TUBGCP3: variants seen among roughly 807,000 people sequenced by gnomAD.
TUBGCP3 encodes tubulin gamma complex component 3, also known as gamma-tubulin complex component 3.
In TUBGCP3, 50 loss-of-function variants were observed where a neutral mutation model predicts 123.1. That is an observed-to-expected ratio of 0.41 (90% CI 0.32 to 0.51). The LOEUF is 0.51. TUBGCP3 is among the 20% of genes least tolerant of loss of function. The pLI, the probability that TUBGCP3 is intolerant of heterozygous loss-of-function variation, is 0.36. For missense variants in TUBGCP3, 882 were observed against 1,127.0 expected, an observed-to-expected ratio of 0.78 and a Z score of 3.11; for synonymous variants, 405 against 413.9, an observed-to-expected ratio of 0.98 and a Z score of 0.26.
intron 17 of TUBGCP3, among the ~76,000 whole-genome samples, chr13:112,514,016 C>G (rs560210815): frequency 2.2e-4 from 33 of 152,124 alleles, no homozygotes; most frequent in African/African-American, 5.8e-4. Flanking sequence ...TCCAACCCCC[C>G]GGTTAGTCAC....
intron 8 of TUBGCP3, 31 bp from the exon 9 acceptor site, chr13:112,548,207 GAC>G (rs1879227199): frequency 6.5e-7 from 1 of 1,547,830 alleles, no homozygotes; most frequent in South Asian, 1.2e-5. Context: ...ATTAAAGCAC[GAC>G]ACACTCATTA....
intron 8 of TUBGCP3, among the ~76,000 whole-genome samples, chr13:112,549,348 C>T (rs538990769): frequency 5.1e-4 from 69 of 135,820 alleles, no homozygotes; most frequent in Middle Eastern, 7.0e-3. Context: ...GTGGGGGGAG[C>T]GGGGAGGGAT....
At chr13:112,562,874 T>C (rs993062149) in intron 3 of TUBGCP3, among the ~76,000 whole-genome samples, 1 of 152,234 alleles carries the variant, frequency 6.6e-6, no homozygotes, top group Non-Finnish European at 1.5e-5. Context: ...AGCAGCCGTT[T>C]AGTGCCCAGC....
chr13:112,532,323 T>G (rs1269124515), intron 11 of TUBGCP3, among the ~76,000 whole-genome samples: 2 of 152,212 alleles, frequency 1.3e-5, no homozygotes, highest in Non-Finnish European at 2.9e-5. Flanking sequence ...ACAGCAACAG[T>G]GCTAAATAGA....
At chr13:112,498,328 C>T (rs967388378) in intron 20 of TUBGCP3, among the ~76,000 whole-genome samples, 7 of 152,028 alleles carry the variant, frequency 4.6e-5, no homozygotes, top group Admixed American at 3.3e-4. Context: ...CGAGGTATCT[C>T]GGAGAGGGGA....
intron 11 of TUBGCP3, among the ~76,000 whole-genome samples, chr13:112,544,267 C>T (rs1323678444): frequency 2.0e-5 from 3 of 151,978 alleles, no homozygotes; most frequent in Non-Finnish European, 2.9e-5. Flanking sequence ...TCCTGGCTAA[C>T]ACAGTGAAAC....
intron 3 of TUBGCP3, among the ~76,000 whole-genome samples, chr13:112,561,470 G>A (rs1413458729): frequency 6.6e-6 from 1 of 152,194 alleles, no homozygotes; most frequent in African/African-American, 2.4e-5. Flanking sequence ...TACATGCAGG[G>A]TTCAAACCCA....
rs771178595 is a variant in TUBGCP3, at chr13:112,519,852, G to C, written c.1881+34C>G. ...CCCGGCCCAGTGGGTCCTCGGTGCCGGGGCGGCGTTCCCAACACGCAGAGC... is the reference window on the plus strand; with the variant it reads ...CCCGGCCCAGTGGGTCCTCGGTGCCCGGGCGGCGTTCCCAACACGCAGAGC... On this transcript the variant is annotated intron_variant, in intron 15 of 21. Transcript: ENST00000261965. The surrounding 1 kb of genome is among the most constrained non-coding windows in gnomAD (Gnocchi z 6.2). The C allele has an allele frequency of 2.1e-5, 33 of 1,600,758 alleles. No homozygotes were observed. Among genetic ancestry groups the C allele is most frequent in the Non-Finnish European group, 2.8e-5 (33 of 1,171,608 alleles).
chr13:112,527,330 T>G, intron 12 of TUBGCP3, 44 bp downstream of exon 12: 4 of 1,347,416 alleles, frequency 3.0e-6, no homozygotes, highest in African/African-American at 1.5e-5. Context: ...TAAGTATACA[T>G]AGCCATAAAA....
chr13:112,546,925 CTT>C (rs1879049908), intron 10 of TUBGCP3: 1 of 152,420 alleles, frequency 6.6e-6, no homozygotes, highest in Admixed American at 6.5e-5. Flanking sequence ...GAAGGGAACT[CTT>C]GTGTGGCAGA....
Position 112,508,569 on chromosome 13 carries a change from C to T in TUBGCP3, c.2087-3855G>A, listed in dbSNP as rs1594121132. Among the ~76,000 whole-genome samples, 1 of 152,154 alleles carries T rather than the reference C, an allele frequency of 6.6e-6. No individual in the cohort carries two copies. The highest frequency in any genetic ancestry group is 1.5e-5 in the Non-Finnish European group (1 of 68,030). ...ACTGATGTCCCTTCCACATTCCACT[C>T]CACAACTTCAAGTATCATCCAGGCT... is the stretch of plus-strand genomic sequence containing the variant. On this transcript the variant is annotated intron_variant, in intron 17 of 21. Transcript: ENST00000261965. The surrounding 1 kb of genome is among the most constrained non-coding windows in gnomAD (Gnocchi z 4.2).
chr13:112,575,943 A>C (rs1215970302), intron 1 of TUBGCP3, among the ~76,000 whole-genome samples: 1 of 152,252 alleles, frequency 6.6e-6, no homozygotes, highest in Non-Finnish European at 1.5e-5. Flanking sequence ...TGCAACCTGC[A>C]GTCAGCCCCA....
chr13:112,491,411 T>A (rs752563708), intron 20 of TUBGCP3, among the ~76,000 whole-genome samples: 1 of 152,200 alleles, frequency 6.6e-6, no homozygotes, highest in East Asian at 1.9e-4. Context: ...AGTACTGATA[T>A]GGCACAAGCT....
chr13:112,543,050 TG>T (rs1475217261), intron 11 of TUBGCP3, among the ~76,000 whole-genome samples: 2 of 152,102 alleles, frequency 1.3e-5, no homozygotes, highest in Admixed American at 6.5e-5. Flanking sequence ...CTTGGGAGGC[TG>T]AGGCAGGAGA....
intron 2 of TUBGCP3, among the ~76,000 whole-genome samples, chr13:112,567,126 G>A (rs746424584): frequency 2.0e-5 from 3 of 152,210 alleles, no homozygotes; most frequent in Non-Finnish European, 4.4e-5. Flanking sequence ...AGGGTCCCAA[G>A]AAGAGTTGGG....
the TUBGCP3 span, chr13:112,604,136 C>G: frequency 6.6e-6 from 1 of 152,234 alleles, no homozygotes; most frequent in East Asian, 1.9e-4. Flanking sequence ...AAATGCTTTG[C>G]TCTCATTTGA....
chr13:112,494,872 T>C (rs1880423140), intron 20 of TUBGCP3, among the ~76,000 whole-genome samples: 2 of 152,262 alleles, frequency 1.3e-5, no homozygotes, highest in Non-Finnish European at 2.9e-5. Context: ...TTGTCTTCTT[T>C]CGAGAAATGT....
chr13:112,501,898 T>C (rs1419867345), intron 19 of TUBGCP3, among the ~76,000 whole-genome samples: 4 of 152,142 alleles, frequency 2.6e-5, no homozygotes, highest in African/African-American at 9.7e-5. Context: ...GTGGAAATCA[T>C]CTAGGGGCAA....
Position 112,556,057 on chromosome 13 carries a change from G to A in TUBGCP3, c.716C>T (p.Thr239Met), listed in dbSNP as rs186110739. ...NMTRSRREGD[T>M]GGTMEITEAA... ...TAACATAGATCCTTACTCACCACCC[G>A]TATCCCCTTCTCTCCTGGACCTTGT... Residue 239 changes from threonine to methionine, a missense_variant, in exon 6 of 22, where the codon ACG becomes ATG. Around this residue, in one of 3 missense-constraint regions of TUBGCP3, gnomAD observed 713 missense variants for 874.0 expected, o/e 0.82. Transcript: ENST00000261965. 34 of 1,612,504 alleles carry A rather than the reference G, an allele frequency of 2.1e-5. No homozygotes were observed. Among genetic ancestry groups the A allele is most frequent in the East Asian group, 6.7e-5 (3 of 44,818 alleles).
Sources: gnomAD v4.1 joint callset for allele counts (sites outside exome capture counted in the v4.1 genomes callset) on GRCh38, gnomAD v4.1.1 for gene constraint, gnomAD v4.1.1 regional missense constraint, Gnocchi (gnomAD v3.1) non-coding constraint, MANE v1.5 for transcripts, NCBI Gene and HGNC (gene_info 2026-07-23, HGNC 2026-07-21) for gene names.